Variants in SLC30A3 observed in about 807,000 individuals in gnomAD.
The protein encoded by SLC30A3 is solute carrier family 30 member 3.
Under a neutral mutation model 35.6 loss-of-function variants are expected in SLC30A3, and 20 were observed. The ratio of observed to expected loss-of-function variants is 0.56; its 90% CI spans 0.39 to 0.82. The LOEUF is 0.82. Ranked by LOEUF, SLC30A3 falls within the 40% of genes least tolerant of loss-of-function variation. SLC30A3 has a pLI of 0.00. For missense variants in SLC30A3, 401 were observed against 530.6 expected (o/e 0.76, Z 2.40); for synonymous variants, 217 against 224.7 (o/e 0.97, Z 0.31).
chr2:27,258,576 T>C lies in SLC30A3; in HGVS notation c.277+177A>G, dbSNP rs1677003592. 1.4e-6 allele frequency: 1 copy of C among 728,952 alleles called. No homozygotes were observed. The highest frequency in any genetic ancestry group is 1.9e-5 in the South Asian group (1 of 53,748). 45.2% of individuals were successfully genotyped at this position (728,952 alleles called of 1,614,324 possible). A position where few individuals can be genotyped will look rare whatever the true frequency, so the allele number is the denominator to read the frequency against. ...TACTGGCCCCGGACCTCGGCTGGAATTCCCTTTGTTGCTGTCCCTTATCCC... is the reference window on the plus strand; with the variant it reads ...TACTGGCCCCGGACCTCGGCTGGAACTCCCTTTGTTGCTGTCCCTTATCCC... On this transcript the variant is annotated intron_variant, in intron 2 of 7. Transcript: ENST00000233535. This position sits in a 1 kb window ranked among gnomAD's most constrained non-coding sequence, Gnocchi z 4.0.
upstream of SLC30A3, chr2:27,275,424 A>T (rs555586022): frequency 2.7e-6 from 1 of 364,098 alleles, no homozygotes; most frequent in Non-Finnish European, 5.4e-6. Flanking sequence ...GGGCGCCAAA[A>T]AACGACCTGC....
rs371039560 is a variant in SLC30A3 at position 27,254,759 on chromosome 2, AACACACACACACACACACACACAC to A, written c.*529_*552del. On this transcript the variant is annotated 3_prime_UTR_variant, in exon 8 of 8. Transcript: ENST00000233535. The stretch of plus-strand genomic sequence containing the variant: ...GAGACACACAGGCCACAGCACCAAG[AACACACACACACACACACACACAC>A]ACACACACACACACACAGACAAAAC... 5 of 175,052 alleles carry A rather than the reference AACACACACACACACACACACACAC, an allele frequency of 2.9e-5. No individual in the cohort carries two copies. The highest frequency in any genetic ancestry group is 1.0e-4 in the African/African-American group (4 of 39,740). 10.8% of individuals were successfully genotyped at this position (175,052 alleles called of 1,614,324 possible).
intron 7 of SLC30A3, 99 bp downstream of exon 7, chr2:27,256,287 C>A: frequency 1.4e-6 from 2 of 1,399,702 alleles, no homozygotes; most frequent in Middle Eastern, 3.6e-4. Context: ...AGAGACAGAT[C>A]AAAAAAGACT....
intron 1 of SLC30A3, among the ~76,000 whole-genome samples, chr2:27,261,752 A>G (rs11693052): frequency 0.45 from 68,270 of 151,852 alleles, 19,667 homozygotes; most frequent in African/African-American, 0.81. Flanking sequence ...CTGAACCAAA[A>G]TCAAAAGGAC....
upstream of SLC30A3, chr2:27,264,143 G>C: frequency 9.4e-7 from 1 of 1,062,764 alleles, no homozygotes; most frequent in Non-Finnish European, 1.3e-6. This position sits in a 1 kb window ranked among gnomAD's most constrained non-coding sequence, Gnocchi z 6.1. Flanking sequence ...AGTCTGTGAA[G>C]AGGAGGGTCC....
chr2:27,275,055 T>G, intron 1 of SLC30A3: 2 of 489,494 alleles, frequency 4.1e-6, no homozygotes, highest in Non-Finnish European at 7.4e-6. Flanking sequence ...ATGAGTTGGG[T>G]CTTCCAGGTT....
At chr2:27,263,657 T>C (rs955809461), upstream of SLC30A3, among the ~76,000 whole-genome samples, 1 of 151,220 alleles carries the variant, frequency 6.6e-6, no homozygotes, top group African/African-American at 2.4e-5. Flanking sequence ...TTCAACCCAC[T>C]GTTATCCCTG....
chr2:27,262,765 A>G lies in SLC30A3; in HGVS notation c.95+47T>C, dbSNP rs892600322. 6.8e-7 allele frequency: 1 copy of G among 1,463,912 alleles called. No homozygotes were observed. Among genetic ancestry groups the G allele is most frequent in the African/African-American group, 1.5e-5 (1 of 66,892 alleles). 90.7% of individuals were successfully genotyped at this position (1,463,912 alleles called of 1,614,324 possible). A position where few individuals can be genotyped will look rare whatever the true frequency, so the allele number is the denominator to read the frequency against. On this transcript the variant is annotated intron_variant, in intron 1 of 7. Transcript: ENST00000233535. This position sits in a 1 kb window ranked among gnomAD's most constrained non-coding sequence, Gnocchi z 7.5. ...AGAGACAACGAAATGGACGGAGGGT[A>G]GTAGGGTGGCGCCCCCGGGCCGAGG... is the stretch of plus-strand genomic sequence containing the variant.
upstream of SLC30A3, chr2:27,263,906 T>G: frequency 7.5e-6 from 4 of 536,372 alleles, no homozygotes; most frequent in South Asian, 1.5e-5. Flanking sequence ...GGGCAGCGTG[T>G]CAGCTAGTGA....
intron 1 of SLC30A3, among the ~76,000 whole-genome samples, chr2:27,269,795 T>A (rs1281610611): frequency 1.3e-5 from 2 of 151,426 alleles, no homozygotes; most frequent in African/African-American, 4.9e-5. Context: ...GAGGCAGAGG[T>A]TGCAGTGAGC....
chr2:27,255,455 T>C lies in SLC30A3; in HGVS notation c.1024A>G (p.Thr342Ala), dbSNP rs1676793872. Residue 342 changes from threonine (T) to alanine (A), a missense_variant, in exon 8 of 8, where the codon ACC becomes GCC. Physicochemically the swap from Thr to Ala is moderately conservative, Grantham distance 58. Transcript: ENST00000233535. This position sits in a 1 kb window ranked among gnomAD's most constrained non-coding sequence, Gnocchi z 5.2. ...GCCAGGACGGCTTCAGGGTCAGCGG[T>C]GGAGTCTGTGGGAGAGTGATAAGAG... ...VASAHLAIDSTADPEAVLAEA... is the reference protein window; with the variant it reads ...VASAHLAIDSAADPEAVLAEA... The C allele has an allele frequency of 6.2e-7, 1 of 1,612,550 alleles. No individual in the cohort carries two copies. Among genetic ancestry groups the C allele is most frequent in the Non-Finnish European group, 8.5e-7 (1 of 1,179,676 alleles).
At chr2:27,275,274 T>G in exon 1 of SLC30A3, 1 of 1,219,692 alleles carries the variant, frequency 8.2e-7, no homozygotes, top group South Asian at 1.3e-5. Context: ...AGGGGCTCGG[T>G]GGGAATCCCT....
intron 1 of SLC30A3, among the ~76,000 whole-genome samples, chr2:27,274,674 A>AAAAAAAGAAAAG (rs1398569786): frequency 1.3e-5 from 2 of 150,634 alleles, no homozygotes; most frequent in Non-Finnish European, 2.9e-5. Flanking sequence ...AGAGCGTAAA[A>AAAAAAAGAAAAG]AAAAAAGAAA....
intron 7 of SLC30A3, chr2:27,256,063 G>A: frequency 2.8e-6 from 1 of 361,944 alleles, no homozygotes; most frequent in African/African-American, 2.0e-5. Context: ...TGGAGGTGCT[G>A]TAATTTACCT....
intron 1 of SLC30A3, among the ~76,000 whole-genome samples, chr2:27,259,762 T>G (rs1445809015): frequency 1.3e-5 from 2 of 152,132 alleles, no homozygotes; most frequent in African/African-American, 2.4e-5. Flanking sequence ...CCCCAACCAA[T>G]TTCTTATGCT....
At chr2:27,275,302 C>A in exon 1 of SLC30A3, 4 of 1,008,692 alleles carry the variant, frequency 4.0e-6, no homozygotes, top group Non-Finnish European at 5.5e-6. Context: ...GGCCTGGCAG[C>A]AACGCTCCTA....
At chr2:27,256,310 G>A in intron 7 of SLC30A3, 76 bp downstream of exon 7, 1 of 1,543,014 alleles carries the variant, frequency 6.5e-7, no homozygotes, top group Non-Finnish European at 8.9e-7. Context: ...AACAATTCCA[G>A]TAACTCAAGC....
upstream of SLC30A3, chr2:27,263,079 C>T (rs1677309533): frequency 3.0e-6 from 4 of 1,350,740 alleles, no homozygotes; most frequent in East Asian, 1.2e-4. Context: ...GCAGATCCCG[C>T]TGCCGCCGGA....
At chr2:27,268,307 T>C (rs972758565) in intron 1 of SLC30A3, among the ~76,000 whole-genome samples, 1 of 152,250 alleles carries the variant, frequency 6.6e-6, no homozygotes, top group Non-Finnish European at 1.5e-5. Flanking sequence ...TCCAAGGTAC[T>C]AGGCATATAT....
Sources: gnomAD v4.1 joint callset for allele counts (sites outside exome capture counted in the v4.1 genomes callset) on GRCh38, gnomAD v4.1.1 for gene constraint, Gnocchi (gnomAD v3.1) non-coding constraint, MANE v1.5 for transcripts, NCBI Gene and HGNC (gene_info 2026-07-23, HGNC 2026-07-21) for gene names.